The following NCK2 variants were observed in gnomAD, a reference collection of about 807,000 sequenced individuals.
NCK2 encodes cytoplasmic protein NCK2.
Under a neutral mutation model 33.9 loss-of-function variants are expected in NCK2, and 16 were observed. That is an observed-to-expected ratio of 0.47 (90% confidence interval 0.32 to 0.72). NCK2 has a LOEUF of 0.72. Among genes scored for constraint, NCK2 ranks in the 30% least tolerant of loss-of-function variants. NCK2 has a pLI of 0.03. For missense variants in NCK2, 418 were observed against 537.3 expected (o/e 0.78, Z 2.19); for synonymous variants, 273 against 239.9 (o/e 1.14, Z -1.27).
At chr2:105,780,218 A>G (rs1372351135) in intron 1 of NCK2, among the ~76,000 whole-genome samples, 1 of 152,160 alleles carries the variant, frequency 6.6e-6, no homozygotes, top group Admixed American at 6.5e-5. Flanking sequence ...TGAAATTTCT[A>G]TTAATAAAAC....
chr2:105,808,868 A>G (rs1675186906), intron 1 of NCK2, among the ~76,000 whole-genome samples: 1 of 152,196 alleles, frequency 6.6e-6, no homozygotes, highest in South Asian at 2.1e-4. Context: ...TGTTGGTGAT[A>G]AGCACTGAAG....
intron 1 of NCK2, among the ~76,000 whole-genome samples, chr2:105,773,711 A>G (rs6723369): frequency 0.81 from 123,448 of 152,048 alleles, 50,407 homozygotes; most frequent in East Asian, 0.88. Context: ...CTATTTGAGC[A>G]CCTACTCTGA....
upstream of NCK2, chr2:105,744,873 G>GCCA: frequency 6.2e-6 from 1 of 160,126 alleles, no homozygotes; most frequent in Non-Finnish European, 1.3e-5. Context: ...GGTCGCCGCC[G>GCCA]CCGCCGCCGC....
chr2:105,744,884 C>CGCCGCCGCCGCT (rs1166745742), upstream of NCK2: 1 of 160,808 alleles, frequency 6.2e-6, no homozygotes, highest in Non-Finnish European at 1.3e-5. Context: ...CCGCCGCCGC[C>CGCCGCCGCCGCT]GCCGCCGCCG....
intron 1 of NCK2, among the ~76,000 whole-genome samples, chr2:105,790,173 T>C (rs1690830166): frequency 6.6e-6 from 1 of 152,240 alleles, no homozygotes; most frequent in African/African-American, 2.4e-5. Context: ...AGCCCACAAA[T>C]AGACCTGAAC....
intron 1 of NCK2, among the ~76,000 whole-genome samples, chr2:105,801,585 G>A (rs991498654): frequency 2.6e-5 from 4 of 151,930 alleles, no homozygotes; most frequent in Non-Finnish European, 4.4e-5. Context: ...CTGGAGTTAG[G>A]GGGAGGGATG....
intron 1 of NCK2, among the ~76,000 whole-genome samples, chr2:105,785,472 G>A (rs960817166): frequency 6.6e-6 from 1 of 152,230 alleles, no homozygotes; most frequent in African/African-American, 2.4e-5. Context: ...GAAAGATAGA[G>A]TCCAAAGTGA....
intron 3 of NCK2, chr2:105,857,296 C>CA (rs1430040983): frequency 2.6e-5 from 4 of 152,440 alleles, no homozygotes; most frequent in African/African-American, 9.6e-5. Flanking sequence ...CCCAGGCTCT[C>CA]AGACTGAGCC....
At chr2:105,833,564 AT>A (rs1676278611) in intron 2 of NCK2, among the ~76,000 whole-genome samples, 1 of 152,052 alleles carries the variant, frequency 6.6e-6, no homozygotes, top group African/African-American at 2.4e-5. Context: ...TTTATTTGAT[AT>A]TCTGATATTA....
At chr2:105,757,279 G>A (rs1367559373) in intron 1 of NCK2, among the ~76,000 whole-genome samples, 1 of 152,192 alleles carries the variant, frequency 6.6e-6, no homozygotes, top group African/African-American at 2.4e-5. Flanking sequence ...GGGGTTGCCT[G>A]TAATGTACTT....
At chr2:105,857,662 A>G (rs1199083193) in intron 3 of NCK2, among the ~76,000 whole-genome samples, 2 of 152,228 alleles carry the variant, frequency 1.3e-5, no homozygotes, top group East Asian at 1.9e-4. Context: ...GAACCCCTTT[A>G]TTGAGTATAG....
chr2:105,855,789 T>G (rs6752445), intron 3 of NCK2: 141,561 of 151,970 alleles, frequency 0.93, 66,005 homozygotes, highest in East Asian at 0.98. Context: ...GGCCGCTCCA[T>G]GGTGGGGGCC....
intron 1 of NCK2, among the ~76,000 whole-genome samples, chr2:105,805,233 G>A (rs1674988493): frequency 6.6e-6 from 1 of 152,236 alleles, no homozygotes; most frequent in African/African-American, 2.4e-5. Flanking sequence ...ATGGCATTGG[G>A]AAGCTGAGGT....
chr2:105,783,747 A>G (rs991522966), intron 1 of NCK2, among the ~76,000 whole-genome samples: 3 of 151,268 alleles, frequency 2.0e-5, no homozygotes, highest in Non-Finnish European at 4.4e-5. Context: ...GATGACCTCC[A>G]CTCTTTCCAA....
intron 1 of NCK2, among the ~76,000 whole-genome samples, chr2:105,788,686 T>C (rs1025029195): frequency 3.9e-5 from 6 of 152,198 alleles, no homozygotes; most frequent in Non-Finnish European, 5.9e-5. Context: ...TTTTCTATTT[T>C]TTTGTTTTCT....
rs1440580116 is a variant in NCK2 at position 105,881,758 on chromosome 2, G to A, written c.657G>A (p.Gly219=). The A allele has an allele frequency of 1.9e-6, 3 of 1,614,240 alleles. No homozygotes were observed. In the South Asian group the frequency reaches 3.3e-5, roughly 18 times the overall value. ...VTEEELNFEK[G]ETMEVIEKPE... ...AGGAGGAGCTCAACTTCGAGAAGGG[G>A]GAGACCATGGAGGTGATTGAGAAGC... is the stretch of plus-strand genomic sequence containing the variant. Residue 219 remains glycine (G), a synonymous_variant, in exon 4 of 5, where the codon GGG becomes GGA. Coordinates refer to ENST00000233154, the MANE Select transcript of NCK2 (RefSeq NM_003581.5).
chr2:105,760,371 T>G (rs1164263449), intron 1 of NCK2, among the ~76,000 whole-genome samples: 1 of 152,138 alleles, frequency 6.6e-6, no homozygotes, highest in African/African-American at 2.4e-5. Flanking sequence ...GATAGGTTGG[T>G]CTGGAATTCT....
chr2:105,777,262 C>T (rs72935748), intron 1 of NCK2, among the ~76,000 whole-genome samples: 12,992 of 152,106 alleles, frequency 0.085, 1,651 homozygotes, highest in African/African-American at 0.28. Context: ...GGGGGGGCAA[C>T]GCTTTGCCCT....
chr2:105,782,965 A>G (rs1054127067), intron 1 of NCK2, among the ~76,000 whole-genome samples: 2 of 152,228 alleles, frequency 1.3e-5, no homozygotes, highest in African/African-American at 4.8e-5. Flanking sequence ...TTCCGGTGTC[A>G]TAACAAGCCC....
Sources: gnomAD v4.1 joint callset for allele counts (sites outside exome capture counted in the v4.1 genomes callset) on GRCh38, gnomAD v4.1.1 for gene constraint, MANE v1.5 for transcripts, NCBI Gene and HGNC (gene_info 2026-07-23, HGNC 2026-07-21) for gene names.